The following CEP83 variants were observed in gnomAD, a reference collection of about 807,000 sequenced individuals.
CEP83 encodes centrosomal protein 83.
A neutral mutation model predicts 101.9 loss-of-function variants in CEP83; 70 were observed. That is an observed-to-expected ratio of 0.69 (90% CI 0.57 to 0.84). The LOEUF is 0.84. CEP83 is among the 40% of genes least tolerant of loss of function. The probability of loss-of-function intolerance (pLI) is 0.00; values close to 1 mark genes in which losing one functional copy is unlikely to be tolerated. For missense variants in CEP83, 715 were observed against 787.2 expected (o/e 0.91, Z 1.10); for synonymous variants, 264 against 267.9 (o/e 0.99, Z 0.14).
chr12:94,377,629 T>C (rs2061620886), intron 7 of CEP83, among the ~76,000 whole-genome samples: 1 of 152,226 alleles, frequency 6.6e-6, no homozygotes, highest in Non-Finnish European at 1.5e-5. Flanking sequence ...TTTCATTTCA[T>C]CTGACAAATA....
chr12:94,435,792 G>A (rs1366798493), intron 1 of CEP83, among the ~76,000 whole-genome samples: 1 of 152,164 alleles, frequency 6.6e-6, no homozygotes, highest in East Asian at 1.9e-4. Flanking sequence ...TCCTGAGTCT[G>A]TCCACATGAC....
At chr12:94,387,252 C>A (rs2062202588) in intron 6 of CEP83, among the ~76,000 whole-genome samples, 1 of 152,188 alleles carries the variant, frequency 6.6e-6, no homozygotes. Context: ...TGGGGCCACA[C>A]AGCAGGAAGT....
In CEP83 at chr12:94,308,019, AC is replaced by A. The variant is rs1181819717; in HGVS notation, c.*793del. On this transcript the variant is annotated 3_prime_UTR_variant, in exon 17 of 17. Coordinates refer to ENST00000397809, the MANE Select transcript of CEP83 (RefSeq NM_016122.3). ...TTAAAAAGGCTTCCAATGGGTGTAG[AC>A]CAAAAAAAATGAGAGCATACTTAGG... The A allele has an allele frequency of 1.3e-5, 2 of 152,128 alleles. No individual in the cohort carries two copies. Among genetic ancestry groups the A allele is most frequent in the Non-Finnish European group, 2.9e-5 (2 of 68,022 alleles). The allele number at this position is 152,128 out of a possible 1,614,324, so 9.4% of individuals were successfully genotyped here.
At chr12:94,381,490 T>C (rs924209608) in intron 6 of CEP83, among the ~76,000 whole-genome samples, 1 of 152,080 alleles carries the variant, frequency 6.6e-6, no homozygotes, top group African/African-American at 2.4e-5. Context: ...ACAGAAACAA[T>C]AGGGACTAGG....
At chr12:94,429,945 G>A (rs934858171) in intron 2 of CEP83, among the ~76,000 whole-genome samples, 4 of 152,196 alleles carry the variant, frequency 2.6e-5, no homozygotes, top group African/African-American at 9.7e-5. Flanking sequence ...GCCCTCCCCA[G>A]CAGTAGGGCT....
intron 14 of CEP83, among the ~76,000 whole-genome samples, chr12:94,329,287 G>T (rs1255802259): frequency 6.6e-6 from 1 of 151,516 alleles, no homozygotes; most frequent in African/African-American, 2.4e-5. Flanking sequence ...TTTTTTTTGA[G>T]ATAGGGTCTT....
At chr12:94,302,618 C>T (rs558490208), downstream of CEP83, among the ~76,000 whole-genome samples, 4 of 152,244 alleles carry the variant, frequency 2.6e-5, no homozygotes, top group African/African-American at 9.6e-5. Flanking sequence ...TCACAAGTAC[C>T]AAATAAGGTA....
At chr12:94,364,568 T>TA (rs1179158602) in intron 11 of CEP83, among the ~76,000 whole-genome samples, 1 of 151,910 alleles carries the variant, frequency 6.6e-6, no homozygotes, top group Non-Finnish European at 1.5e-5. Context: ...AGTTCAGTGT[T>TA]ACAGTGAGCC....
At chr12:94,315,187 T>A (rs1344253648) in intron 14 of CEP83, among the ~76,000 whole-genome samples, 1 of 152,196 alleles carries the variant, frequency 6.6e-6, no homozygotes, top group East Asian at 1.9e-4. Flanking sequence ...TTTTACCAAT[T>A]ACATTTCCAC....
chr12:94,297,304 T>C, the CEP83 span: 12 of 1,613,026 alleles, frequency 7.4e-6, no homozygotes, highest in Non-Finnish European at 9.3e-6. Context: ...GCTTCTGCTG[T>C]CTTCCCTTCA....
the CEP83 span, among the ~76,000 whole-genome samples, chr12:94,293,078 A>G: frequency 1.2e-4 from 19 of 152,114 alleles, no homozygotes; most frequent in African/African-American, 4.6e-4. Context: ...CTCTATGTAA[A>G]TGGAATCAGT....
In CEP83 at chr12:94,442,533, G is replaced by GA. The variant is rs753675447; in HGVS notation, c.-154-7207dup. On this transcript the variant is annotated intron_variant, in intron 1 of 16. Transcript: ENST00000397809. ...TATTGAAATAATGATTTTTTTTTTAGAAAAAACACGGAAAGAAAGGTTTCC... is the reference window on the plus strand; with the variant it reads ...TATTGAAATAATGATTTTTTTTTTAGAAAAAAACACGGAAAGAAAGGTTTCC... 3.4e-4 allele frequency among the ~76,000 whole-genome samples: 51 copies of GA among 151,324 alleles called. No individual in the cohort carries two copies. In the East Asian group the frequency reaches 8.7e-3, roughly 26 times the overall value.
chr12:94,450,500 C>A (rs2138562304), intron 1 of CEP83, among the ~76,000 whole-genome samples: 1 of 152,294 alleles, frequency 6.6e-6, no homozygotes, highest in South Asian at 2.1e-4. Context: ...GATCCACCTG[C>A]CTTGGATCCC....
In CEP83 at chr12:94,322,920, C is replaced by T. The variant is rs116904155; in HGVS notation, c.1707+8780G>A. Among the ~76,000 whole-genome samples the T allele has an allele frequency of 6.9e-4, 105 of 152,310 alleles. 2 individuals carry two copies. The East Asian group carries it at 0.018, about 26-fold the overall frequency. On this transcript the variant is annotated intron_variant, in intron 14 of 16. Transcript: ENST00000397809. ...ACTAGTGACCCTGGTCGGGAGGTCC[C>T]CCACCCATTGAAAAGCAGGGTCTGG... is the stretch of plus-strand genomic sequence containing the variant.
At chr12:94,266,618 T>C in the CEP83 span, among the ~76,000 whole-genome samples, 1 of 152,188 alleles carries the variant, frequency 6.6e-6, no homozygotes, top group African/African-American at 2.4e-5. Context: ...GCATGGACTC[T>C]GGGGCCAGAC....
In CEP83 at chr12:94,378,842, TCTTTGGG is replaced by T; in HGVS notation, c.743_749del (p.Ala248GlufsTer45). 1 of 1,614,116 alleles carries T rather than the reference TCTTTGGG, an allele frequency of 6.2e-7. No homozygotes were observed. The highest frequency in any genetic ancestry group is 1.7e-5 in the Admixed American group (1 of 60,004). ...TCTCAGCCAACTGCCGCACCTGTAT[TCTTTGGG>T]CATTTTCCACCTGAGCCTCAGAATT... is the stretch of plus-strand genomic sequence containing the variant. On this transcript the variant is annotated frameshift_variant, in exon 7 of 17. Transcript: ENST00000397809. LOFTEE classifies it high-confidence loss of function.
At chr12:94,298,500 T>G in the CEP83 span, 4 of 752,234 alleles carry the variant, frequency 5.3e-6, no homozygotes, top group Non-Finnish European at 6.3e-6. Flanking sequence ...AATTTTACAT[T>G]TTTCTCTTCA....
At position 94,357,879 on chromosome 12, in the gene CEP83, G is replaced by A. The variant is rs146331711; in HGVS notation, c.1343+9915C>T. On this transcript the variant is annotated intron_variant, in intron 11 of 16. Transcript: ENST00000397809. ...ACATAGCACAGCTCCTGATTGTGCC[G>A]TATGTGGGAATGGGAAAAAGTGAAA... 8.0e-4 allele frequency among the ~76,000 whole-genome samples: 122 copies of A among 152,306 alleles called. 1 individual carries two copies. The highest frequency in any genetic ancestry group is 2.7e-3 in the Admixed American group (41 of 15,300).
the CEP83 span, among the ~76,000 whole-genome samples, chr12:94,285,281 T>C: frequency 6.6e-6 from 1 of 152,154 alleles, no homozygotes; most frequent in Non-Finnish European, 1.5e-5. Flanking sequence ...CTCTGCCAGA[T>C]TCTCCCCTTG....
Sources: allele counts gnomAD v4.1 joint callset (sites outside exome capture counted in the v4.1 genomes callset), GRCh38; gene constraint gnomAD v4.1.1; transcripts MANE v1.5; gene names NCBI Gene and HGNC (gene_info 2026-07-23, HGNC 2026-07-21).